DOCK9: variants seen among roughly 807,000 people sequenced by gnomAD.
DOCK9 encodes dedicator of cytokinesis 9.
DOCK9 carries 89 observed loss-of-function variants against 263.3 expected under a neutral mutation model. That is an observed-to-expected ratio of 0.34 (90% CI 0.28 to 0.40). The LOEUF (loss-of-function observed/expected upper bound fraction) is 0.40, where lower values mean the gene tolerates loss of function less well. DOCK9 is among the 10% of genes least tolerant of loss of function. The pLI is 1.00. For missense variants in DOCK9, 2,140 were observed against 2,603.4 expected (o/e 0.82, Z 3.87); for synonymous variants, 976 against 973.1 (o/e 1.00, Z -0.06).
intron 1 of DOCK9, among the ~76,000 whole-genome samples, chr13:99,081,563 G>A (rs1044964791): frequency 5.3e-5 from 8 of 152,248 alleles, no homozygotes; most frequent in African/African-American, 1.9e-4. Context: ...GTGCAGGACA[G>A]TCAGCATGCC....
chr13:98,988,270 T>A (rs1183842888), intron 1 of DOCK9, among the ~76,000 whole-genome samples: 6 of 152,178 alleles, frequency 3.9e-5, no homozygotes, highest in Non-Finnish European at 8.8e-5. Flanking sequence ...ACTCAGTAAC[T>A]GAGATACTAT....
intron 1 of DOCK9, among the ~76,000 whole-genome samples, chr13:98,983,948 A>C (rs1357942605): frequency 2.0e-5 from 3 of 152,106 alleles, no homozygotes; most frequent in Non-Finnish European, 4.4e-5. Flanking sequence ...TACAGATTTA[A>C]TCAAATAGTC....
chr13:98,833,428 T>C (rs541828887), intron 39 of DOCK9, among the ~76,000 whole-genome samples: 1 of 152,284 alleles, frequency 6.6e-6, no homozygotes, highest in African/African-American at 2.4e-5. Context: ...TCTACAAAAA[T>C]TCCCAAGCTT....
intron 25 of DOCK9, 118 bp downstream of exon 25, chr13:98,881,440 G>A (rs546845414): frequency 3.9e-6 from 3 of 773,442 alleles, no homozygotes; most frequent in South Asian, 3.8e-5. Context: ...AGAAATAGAA[G>A]AGAAAGCATA....
At chr13:99,008,800 C>A (rs1490176850) in intron 1 of DOCK9, among the ~76,000 whole-genome samples, 1 of 152,170 alleles carries the variant, frequency 6.6e-6, no homozygotes, top group African/African-American at 2.4e-5. Flanking sequence ...ATCATTTCCT[C>A]TTTAAGGCCA....
rs761470849 is a variant in DOCK9, at chr13:98,955,470, G to A, written c.208C>T (p.Arg70Trp). The A allele has an allele frequency of 7.5e-6, 12 of 1,595,880 alleles. No homozygotes were observed. Among genetic ancestry groups the A allele is most frequent in the African/African-American group, 1.3e-5 (1 of 74,692 alleles). Residue 70 changes from arginine (R) to tryptophan (W), a missense_variant, in exon 2 of 53, where the codon CGG (arginine) becomes TGG (tryptophan). Physicochemically the swap from Arg to Trp is moderately radical, Grantham distance 101. This residue lies in a region of DOCK9 where 1,521 missense variants were observed against 1,741.7 expected (regional missense o/e 0.87). Coordinates refer to ENST00000682017, the MANE Select transcript of DOCK9 (RefSeq NM_001366683.2). The part of the protein sequence containing the change: ...KKTQILNDCL[R>W]EMLLFPYDDF... ...TCGTAAGGGAAGAGCAGCATCTCCC[G>A]TAAACAGTCGTTCAGGATCTGAGTC...
chr13:99,060,755 T>C (rs1192298091), intron 1 of DOCK9, among the ~76,000 whole-genome samples: 2 of 152,154 alleles, frequency 1.3e-5, no homozygotes, highest in African/African-American at 2.4e-5. Flanking sequence ...TAGGGTATCT[T>C]TGGGTCCCTG....
intron 1 of DOCK9, among the ~76,000 whole-genome samples, chr13:99,063,975 C>T (rs2041308527): frequency 6.6e-6 from 1 of 152,206 alleles, no homozygotes; most frequent in Non-Finnish European, 1.5e-5. Context: ...ATAGCCTCAC[C>T]TCCTACTATG....
intron 1 of DOCK9, among the ~76,000 whole-genome samples, chr13:98,991,213 AG>A (rs1879725020): frequency 6.6e-6 from 1 of 152,028 alleles, no homozygotes; most frequent in Non-Finnish European, 1.5e-5. Context: ...CTAAGACTAT[AG>A]GCATGCACCA....
intron 1 of DOCK9, among the ~76,000 whole-genome samples, chr13:99,063,531 C>A (rs938526135): frequency 6.6e-6 from 1 of 152,362 alleles, no homozygotes; most frequent in South Asian, 2.1e-4. Flanking sequence ...CAACCTGACA[C>A]CCCTTGGTTT....
At chr13:98,991,540 T>G (rs1328006988) in intron 1 of DOCK9, among the ~76,000 whole-genome samples, 2 of 152,126 alleles carry the variant, frequency 1.3e-5, no homozygotes, top group Non-Finnish European at 2.9e-5. Context: ...GTAAAATATC[T>G]TAAGAGTTTT....
chr13:98,931,685 C>T (rs1434360127), intron 2 of DOCK9, among the ~76,000 whole-genome samples: 1 of 152,122 alleles, frequency 6.6e-6, no homozygotes, highest in East Asian at 1.9e-4. Flanking sequence ...GCAACCTCTG[C>T]CTCCCAAGTT....
chr13:98,860,135 A>C, intron 33 of DOCK9: 1 of 1,288,132 alleles, frequency 7.8e-7, no homozygotes, highest in Non-Finnish European at 1.0e-6. Context: ...TTTAAAATGA[A>C]AACTCAACAA....
chr13:98,914,858 C>T (rs952320982), intron 8 of DOCK9, among the ~76,000 whole-genome samples: 2 of 152,134 alleles, frequency 1.3e-5, no homozygotes, highest in African/African-American at 4.8e-5. Context: ...ATTTTTCTCA[C>T]CAATTTAATC....
intron 1 of DOCK9, among the ~76,000 whole-genome samples, chr13:99,040,463 G>A (rs1198969371): frequency 1.3e-5 from 2 of 152,094 alleles, no homozygotes; most frequent in African/African-American, 4.8e-5. Flanking sequence ...CTGACTTTCT[G>A]AGAAACCAAC....
chr13:99,029,488 C>A (rs115943522), intron 1 of DOCK9, among the ~76,000 whole-genome samples: 2,402 of 151,954 alleles, frequency 0.016, 65 homozygotes, highest in African/African-American at 0.054. Flanking sequence ...TATGCTGGAC[C>A]CTGACTTTGT....
intron 1 of DOCK9, among the ~76,000 whole-genome samples, chr13:98,977,027 T>G (rs1874905008): frequency 6.6e-6 from 1 of 152,248 alleles, no homozygotes; most frequent in African/African-American, 2.4e-5. Context: ...GTCCCCCCTC[T>G]GCAGGGCATG....
At chr13:98,969,252 T>C (rs1021604039) in intron 1 of DOCK9, among the ~76,000 whole-genome samples, 3 of 152,138 alleles carry the variant, frequency 2.0e-5, no homozygotes, top group African/African-American at 4.8e-5. Flanking sequence ...CCCATGTAAG[T>C]CCAGCATGTT....
At chr13:98,804,231 A>T (rs1427174110) in intron 49 of DOCK9, among the ~76,000 whole-genome samples, 1 of 152,142 alleles carries the variant, frequency 6.6e-6, no homozygotes, top group East Asian at 1.9e-4. Context: ...CCTCCCACTG[A>T]TATTTCTTGG....
Sources: gnomAD v4.1 joint callset for allele counts (sites outside exome capture counted in the v4.1 genomes callset) on GRCh38, gnomAD v4.1.1 for gene constraint, gnomAD v4.1.1 regional missense constraint, MANE v1.5 for transcripts, NCBI Gene and HGNC (gene_info 2026-07-23, HGNC 2026-07-21) for gene names.